The following METTL16 variants were observed in gnomAD, a reference collection of about 807,000 sequenced individuals.
METTL16 encodes methyltransferase 16, RNA N6-adenosine.
A neutral mutation model predicts 57.9 loss-of-function variants in METTL16; 19 were observed. The observed-to-expected ratio is 0.33, with a 90% CI of 0.23 to 0.48. The LOEUF (loss-of-function observed/expected upper bound fraction) is 0.48, where lower values mean the gene tolerates loss of function less well. Among genes scored for constraint, METTL16 ranks in the 20% least tolerant of loss-of-function variants. METTL16 has a pLI of 0.99. For missense variants in METTL16, 434 were observed against 691.5 expected (o/e 0.63, Z 4.18); for synonymous variants, 246 against 255.6 (o/e 0.96, Z 0.36).
chr17:2,503,453 G>A (rs2067505127), intron 1 of METTL16, among the ~76,000 whole-genome samples: 1 of 151,750 alleles, frequency 6.6e-6, no homozygotes, highest in South Asian at 2.1e-4. Flanking sequence ...ACAAAATACA[G>A]TATATCCATA....
At chr17:2,485,199 C>T (rs1011546443) in intron 2 of METTL16, among the ~76,000 whole-genome samples, 21 of 152,264 alleles carry the variant, frequency 1.4e-4, no homozygotes, top group African/African-American at 5.1e-4. Context: ...ACGCCGCATG[C>T]GAGGGATCTA....
chr17:2,448,809 A>AT (rs2067045115), intron 6 of METTL16, among the ~76,000 whole-genome samples: 2 of 138,788 alleles, frequency 1.4e-5, no homozygotes, highest in African/African-American at 5.6e-5. Flanking sequence ...ATTTAAAAAA[A>AT]AAAAAAAAAA....
At position 2,418,922 on chromosome 17, in the gene METTL16, T is replaced by C. The variant is rs17762093; in HGVS notation, c.*1048A>G. 0.045 allele frequency: 6,855 copies of C among 152,340 alleles called. 224 individuals are homozygous for C. The highest frequency in any genetic ancestry group is 0.069 in the Non-Finnish European group (4,722 of 68,090). The allele number at this position is 152,340 out of a possible 1,614,324, so 9.4% of individuals were successfully genotyped here. ...TTCCGGGGGGACGGCTACTGAACCC[T>C]GGCATTCCAATTAGAAACGTGTTTC... On this transcript the variant is annotated 3_prime_UTR_variant, in exon 10 of 10. Transcript: ENST00000263092.
chr17:2,430,903 G>C (rs968546119), intron 8 of METTL16, among the ~76,000 whole-genome samples: 2 of 151,692 alleles, frequency 1.3e-5, no homozygotes, highest in Non-Finnish European at 2.9e-5. Context: ...CTGTTTGCAG[G>C]CTTCAGTATC....
intron 8 of METTL16, among the ~76,000 whole-genome samples, chr17:2,433,773 C>T (rs2078261): frequency 0.28 from 42,127 of 152,198 alleles, 9,857 homozygotes; most frequent in African/African-American, 0.64. Flanking sequence ...TGCTCTTTAA[C>T]GCAAGTCCTA....
At chr17:2,448,847 T>A (rs1004032149) in intron 6 of METTL16, among the ~76,000 whole-genome samples, 1 of 92,388 alleles carries the variant, frequency 1.1e-5, no homozygotes, top group Non-Finnish European at 2.5e-5. Context: ...GCCAACATGG[T>A]GAAACCCCAT....
At chr17:2,502,755 GCCGAT>G (rs527946083) in intron 1 of METTL16, among the ~76,000 whole-genome samples, 33 of 151,916 alleles carry the variant, frequency 2.2e-4, no homozygotes, top group African/African-American at 8.0e-4. Flanking sequence ...ACATGTCTTT[GCCGAT>G]CAAGTGAGAA....
intron 6 of METTL16, among the ~76,000 whole-genome samples, chr17:2,451,655 G>A (rs1174524358): frequency 6.6e-6 from 1 of 151,536 alleles, no homozygotes; most frequent in Non-Finnish European, 1.5e-5. Context: ...GAAAGAAAGT[G>A]TATAAATGGA....
intron 3 of METTL16, among the ~76,000 whole-genome samples, chr17:2,474,618 T>C (rs955711762): frequency 6.6e-6 from 1 of 152,146 alleles, no homozygotes; most frequent in African/African-American, 2.4e-5. Context: ...CTGGACTATA[T>C]ACTAACCAAG....
chr17:2,458,079 T>G (rs571576918), intron 6 of METTL16, among the ~76,000 whole-genome samples: 1 of 152,132 alleles, frequency 6.6e-6, no homozygotes, highest in Admixed American at 6.6e-5. Context: ...GGGGTCTTGC[T>G]ATGTTGCCCA....
At chr17:2,471,384 C>G (rs2067233621) in intron 4 of METTL16, among the ~76,000 whole-genome samples, 2 of 152,250 alleles carry the variant, frequency 1.3e-5, no homozygotes, top group South Asian at 2.1e-4. Flanking sequence ...ATAGGCCAGG[C>G]TGGTCTCGAA....
At position 2,429,834 on chromosome 17, in the gene METTL16, G is replaced by A. The variant is rs531832542; in HGVS notation, c.888+8275C>T. ...CTGCTTCTTTTTTTTTTTCTGAGGC[G>A]GAGTCTCGCTCTGTCGCCCAGGCTG... On this transcript the variant is annotated intron_variant, in intron 8 of 9. Transcript: ENST00000263092. Among the ~76,000 whole-genome samples the A allele has an allele frequency of 2.7e-3, 414 of 151,176 alleles. 2 individuals are homozygous for A. Among genetic ancestry groups the A allele is most frequent in the African/African-American group, 9.5e-3 (391 of 41,154 alleles).
intron 3 of METTL16, chr17:2,477,401 T>C: frequency 3.4e-6 from 1 of 297,926 alleles, no homozygotes; most frequent in Admixed American, 4.4e-5. Flanking sequence ...GGATTTCAAT[T>C]TTTTTTTCAG....
intron 2 of METTL16, among the ~76,000 whole-genome samples, chr17:2,482,847 G>C (rs1436576608): frequency 3.3e-5 from 5 of 152,138 alleles, no homozygotes; most frequent in Non-Finnish European, 5.9e-5. Flanking sequence ...GGAGATCAAG[G>C]CTGCAGTGAG....
chr17:2,509,161 A>G (rs2067568781), intron 1 of METTL16, among the ~76,000 whole-genome samples: 1 of 152,192 alleles, frequency 6.6e-6, no homozygotes, highest in Non-Finnish European at 1.5e-5. Context: ...TGCATATGTC[A>G]CACATAGACC....
intron 7 of METTL16, among the ~76,000 whole-genome samples, chr17:2,440,493 C>T (rs181786780): frequency 6.6e-6 from 1 of 152,076 alleles, no homozygotes; most frequent in Admixed American, 6.5e-5. Context: ...ATGATCCGCC[C>T]ACATCGGCCT....
At chr17:2,428,146 C>T (rs907313273) in intron 8 of METTL16, among the ~76,000 whole-genome samples, 1 of 151,842 alleles carries the variant, frequency 6.6e-6, no homozygotes, top group African/African-American at 2.4e-5. Flanking sequence ...GCTGAAAAAG[C>T]CTCTAAAAAC....
intron 6 of METTL16, among the ~76,000 whole-genome samples, chr17:2,450,750 A>G (rs1230030410): frequency 6.6e-6 from 1 of 152,202 alleles, no homozygotes; most frequent in East Asian, 1.9e-4. Context: ...AACCTGTGTC[A>G]TTCAAAATTC....
chr17:2,428,543 A>G (rs1461368523), intron 8 of METTL16, among the ~76,000 whole-genome samples: 1 of 57,048 alleles, frequency 1.8e-5, no homozygotes, highest in Non-Finnish European at 3.1e-5. Flanking sequence ...AAAAAAAAAA[A>G]AAAAAAAAAA....
Sources: allele counts gnomAD v4.1 joint callset (sites outside exome capture counted in the v4.1 genomes callset), GRCh38; gene constraint gnomAD v4.1.1; transcripts MANE v1.5; gene names NCBI Gene and HGNC (gene_info 2026-07-23, HGNC 2026-07-21).